The following MEMO1 variants were observed in gnomAD, a reference collection of about 807,000 sequenced individuals.
MEMO1 encodes mediator of cell motility 1, also known as protein MEMO1.
Under a neutral mutation model 45.2 loss-of-function variants are expected in MEMO1, and 6 were observed. That is an observed-to-expected ratio of 0.13 (90% CI 0.07 to 0.26). MEMO1 has a LOEUF of 0.26. Ranked by LOEUF, MEMO1 falls within the 10% of genes least tolerant of loss-of-function variation. MEMO1 has a pLI of 1.00. For missense variants in MEMO1, 184 were observed against 370.5 expected (o/e 0.50, Z 4.13); for synonymous variants, 78 against 124.3 (o/e 0.63, Z 2.48).
rs191785787 is a variant in MEMO1 at position 31,877,686 on chromosome 2, G to A, written c.657+5700C>T. ...AGTAATTTCAGTCACTAATACATAC[G>A]TGTGTAAGTGTGTATTTGAAGCTGT... On this transcript the variant is annotated intron_variant, in intron 8 of 9. Coordinates refer to ENST00000404530, the MANE Select transcript of MEMO1 (RefSeq NM_001301833.4). Among the ~76,000 whole-genome samples the A allele has an allele frequency of 3.3e-3, 504 of 152,214 alleles. 3 individuals carry two copies. The highest frequency in any genetic ancestry group is 4.2e-3 in the Non-Finnish European group (286 of 67,998).
chr2:31,918,921 C>T lies in MEMO1; in HGVS notation c.326-884G>A, dbSNP rs368485428. On this transcript the variant is annotated intron_variant, in intron 5 of 9. Transcript: ENST00000404530. The stretch of plus-strand genomic sequence containing the variant: ...ACCCAAAATTAAAATTTTCTGAATG[C>T]CCCAACAAGGTTTTAAAAGTAAAAT... 5.3e-5 allele frequency among the ~76,000 whole-genome samples: 8 copies of T among 152,014 alleles called. No individual in the cohort carries two copies. The East Asian group carries it at 1.6e-3, about 29-fold the overall frequency.
At chr2:31,894,724 C>T (rs377186902) in intron 6 of MEMO1, among the ~76,000 whole-genome samples, 4 of 152,212 alleles carry the variant, frequency 2.6e-5, no homozygotes, top group Admixed American at 1.3e-4. Flanking sequence ...AATTTGGGTA[C>T]GTGCACAGGG....
At chr2:31,923,587 G>C in intron 4 of MEMO1, 1 of 1,495,564 alleles carries the variant, frequency 6.7e-7, no homozygotes, top group South Asian at 1.3e-5. Flanking sequence ...ATAGAGAATG[G>C]TAACTCAGAA....
At chr2:31,987,999 C>T (rs1405652539) in intron 2 of MEMO1, among the ~76,000 whole-genome samples, 2 of 151,940 alleles carry the variant, frequency 1.3e-5, no homozygotes, top group Admixed American at 6.6e-5. Context: ...AAGGAGTATG[C>T]GCAGAGTGTT....
At chr2:31,981,889 T>C (rs1670680451) in intron 2 of MEMO1, among the ~76,000 whole-genome samples, 10 of 152,098 alleles carry the variant, frequency 6.6e-5, no homozygotes, top group Admixed American at 6.5e-4. Flanking sequence ...ACTGAAATCA[T>C]AAATAATGAA....
At chr2:31,871,362 A>C (rs1338987058) in intron 8 of MEMO1, among the ~76,000 whole-genome samples, 1 of 152,208 alleles carries the variant, frequency 6.6e-6, no homozygotes, top group Non-Finnish European at 1.5e-5. Context: ...GTTAAAAGTA[A>C]AAGTCATCTG....
intron 3 of MEMO1, among the ~76,000 whole-genome samples, chr2:31,932,698 G>C (rs920551637): frequency 6.6e-6 from 1 of 152,142 alleles, no homozygotes; most frequent in African/African-American, 2.4e-5. Context: ...GCCTCAAAAA[G>C]CACTGCAATT....
chr2:31,891,504 G>T (rs556755344), intron 7 of MEMO1, among the ~76,000 whole-genome samples: 1 of 152,084 alleles, frequency 6.6e-6, no homozygotes, highest in South Asian at 2.1e-4. Context: ...ATAATCTTTG[G>T]AGGGTAGCTT....
At chr2:31,925,499 A>AAAAAAAAC (rs1558507966) in intron 4 of MEMO1, among the ~76,000 whole-genome samples, 1 of 149,376 alleles carries the variant, frequency 6.7e-6, no homozygotes, top group African/African-American at 2.5e-5. Flanking sequence ...AAAAAAAAAA[A>AAAAAAAAC]TCTGTTCCCG....
At chr2:31,888,323 A>G (rs1206701979) in intron 7 of MEMO1, among the ~76,000 whole-genome samples, 4 of 152,168 alleles carry the variant, frequency 2.6e-5, no homozygotes, top group Admixed American at 6.6e-5. Context: ...TTTGAAAAAT[A>G]TATTTTCACT....
chr2:31,901,358 G>A (rs376590852), intron 6 of MEMO1, among the ~76,000 whole-genome samples: 4 of 108,874 alleles, frequency 3.7e-5, no homozygotes, highest in African/African-American at 1.5e-4. Context: ...GAGCGAAAGA[G>A]TGAGACTCTG....
At chr2:31,894,896 C>T (rs1166398809) in intron 6 of MEMO1, among the ~76,000 whole-genome samples, 1 of 152,214 alleles carries the variant, frequency 6.6e-6, no homozygotes, top group Non-Finnish European at 1.5e-5. Flanking sequence ...AGCCTCCATA[C>T]AATCTCCCAG....
At chr2:31,938,556 G>A (rs1244856102) in intron 3 of MEMO1, among the ~76,000 whole-genome samples, 3 of 151,928 alleles carry the variant, frequency 2.0e-5, no homozygotes, top group African/African-American at 7.2e-5. Context: ...GCTGAGGCAG[G>A]AGAATGGCGT....
chr2:31,908,705 A>G (rs1680121146), intron 6 of MEMO1, among the ~76,000 whole-genome samples: 1 of 152,202 alleles, frequency 6.6e-6, no homozygotes, highest in African/African-American at 2.4e-5. Context: ...TTTACTTCCA[A>G]GGGCCCCAAC....
chr2:31,924,294 A>AAACACC (rs1326615135), intron 4 of MEMO1, among the ~76,000 whole-genome samples: 2 of 152,278 alleles, frequency 1.3e-5, no homozygotes, highest in East Asian at 1.9e-4. Flanking sequence ...CTAGATCCGT[A>AAACACC]AACACCAAGG....
At chr2:32,009,861 G>A (rs1254783417) in intron 2 of MEMO1, among the ~76,000 whole-genome samples, 1 of 152,072 alleles carries the variant, frequency 6.6e-6, no homozygotes. Context: ...CAAGTCGGCT[G>A]GGGTCCGGGA....
intron 2 of MEMO1, among the ~76,000 whole-genome samples, chr2:31,955,914 G>A (rs546988351): frequency 2.0e-5 from 3 of 152,046 alleles, no homozygotes; most frequent in Admixed American, 1.3e-4. Flanking sequence ...GGCCATCCAC[G>A]TTTATTTCAA....
rs561541469 is a variant in MEMO1 at position 31,923,329 on chromosome 2, GTTAAT to G, written c.213-2424_213-2420del. 1.8e-4 allele frequency among the ~76,000 whole-genome samples: 28 copies of G among 152,062 alleles called. No homozygotes were observed. In the East Asian group the frequency reaches 2.1e-3, roughly 12 times the overall value. On this transcript the variant is annotated intron_variant, in intron 4 of 9. Transcript: ENST00000404530. The stretch of plus-strand genomic sequence containing the variant: ...TTTTCAACTGGATTGTTTCTTGCTC[GTTAAT>G]TTAAGTTCCTTATAGACGACAGAAT...
At chr2:31,894,893 A>G (rs1677524515) in intron 6 of MEMO1, among the ~76,000 whole-genome samples, 1 of 152,216 alleles carries the variant, frequency 6.6e-6, no homozygotes, top group Non-Finnish European at 1.5e-5. Context: ...CACAGCCTCC[A>G]TACAATCTCC....
Sources: allele counts gnomAD v4.1 joint callset (sites outside exome capture counted in the v4.1 genomes callset), GRCh38; gene constraint gnomAD v4.1.1; transcripts MANE v1.5; gene names NCBI Gene and HGNC (gene_info 2026-07-23, HGNC 2026-07-21).